The following GLRB variants were observed in gnomAD, a reference collection of about 807,000 sequenced individuals.
The protein encoded by GLRB is glycine receptor beta.
A neutral mutation model predicts 54.2 loss-of-function variants in GLRB; 33 were observed. The observed-to-expected ratio is 0.61, with a 90% CI of 0.46 to 0.81. The LOEUF (loss-of-function observed/expected upper bound fraction) is 0.81. GLRB is among the 40% of genes least tolerant of loss of function. GLRB has a pLI of 0.00. For missense variants in GLRB, 572 were observed against 584.6 expected (o/e 0.98, Z 0.22); for synonymous variants, 209 against 208.2 (o/e 1.00, Z -0.03).
intron 8 of GLRB, among the ~76,000 whole-genome samples, chr4:157,151,939 CA>C (rs1410436423): frequency 1.3e-5 from 2 of 151,978 alleles, no homozygotes; most frequent in Non-Finnish European, 2.9e-5. Flanking sequence ...TAGCCCATGC[CA>C]ATAGGTTATA....
chr4:157,133,538 A>G (rs1320160784), intron 4 of GLRB, among the ~76,000 whole-genome samples: 6 of 151,924 alleles, frequency 3.9e-5, no homozygotes, highest in African/African-American at 9.7e-5. Flanking sequence ...AATATCCCTT[A>G]TAGTTATTTT....
chr4:157,104,779 T>C (rs905687912), intron 2 of GLRB, among the ~76,000 whole-genome samples: 4 of 152,042 alleles, frequency 2.6e-5, no homozygotes, highest in African/African-American at 9.6e-5. Context: ...TGATTCAGTC[T>C]TAGTGGATTG....
intron 7 of GLRB, 28 bp downstream of exon 7, chr4:157,138,977 A>ACTTC: frequency 2.5e-6 from 3 of 1,209,584 alleles, no homozygotes; most frequent in South Asian, 1.2e-5. Context: ...AATAAAACGA[A>ACTTC]GTTCTATTTC....
chr4:157,116,237 T>C (rs1806572), intron 2 of GLRB, among the ~76,000 whole-genome samples: 37,383 of 151,708 alleles, frequency 0.25, 6,450 homozygotes, highest in African/African-American at 0.49. Context: ...GAACAAAAGA[T>C]GACTGGTTGT....
At chr4:157,111,192 C>A (rs1735406105) in intron 2 of GLRB, among the ~76,000 whole-genome samples, 1 of 151,952 alleles carries the variant, frequency 6.6e-6, no homozygotes, top group Non-Finnish European at 1.5e-5. Context: ...GGATGGCAGA[C>A]ATGTGGTTCA....
intron 9 of GLRB, among the ~76,000 whole-genome samples, chr4:157,154,812 C>G (rs1737164211): frequency 6.6e-6 from 1 of 151,984 alleles, no homozygotes; most frequent in Admixed American, 6.6e-5. Context: ...AAGTGTATCT[C>G]TTTGTTTAAC....
At chr4:157,078,463 A>G (rs1413083699) in intron 2 of GLRB, among the ~76,000 whole-genome samples, 1 of 151,938 alleles carries the variant, frequency 6.6e-6, no homozygotes. Context: ...CTTTAATTGG[A>G]TACTGATATA....
chr4:157,077,942 A>G, intron 1 of GLRB, 54 bp from the exon 2 acceptor site: 1 of 1,188,234 alleles, frequency 8.4e-7, no homozygotes, highest in Non-Finnish European at 1.2e-6. Flanking sequence ...AGGGACAGTC[A>G]TATAGTTATC....
intron 4 of GLRB, among the ~76,000 whole-genome samples, chr4:157,130,872 A>C: frequency 6.6e-6 from 1 of 151,698 alleles, no homozygotes. Flanking sequence ...CATATCAATG[A>C]TTTATTTGAT....
At chr4:157,158,613 G>C (rs1201061676) in intron 9 of GLRB, among the ~76,000 whole-genome samples, 2 of 152,024 alleles carry the variant, frequency 1.3e-5, no homozygotes, top group Non-Finnish European at 1.5e-5. Flanking sequence ...TCTTGTTTTT[G>C]TCAGGTTTGT....
At position 157,136,716 on chromosome 4, in the gene GLRB, A is replaced by T; in HGVS notation, c.527+18A>T. On this transcript the variant is annotated intron_variant, in intron 5 of 9. Transcript: ENST00000264428. ...AGCATGAGGTACTCTTTTATATTTC[A>T]TATTTGTGCATTTATATTTTCCTTC... 1 of 1,526,332 alleles carries T rather than the reference A, an allele frequency of 6.6e-7. No homozygotes were observed. Among genetic ancestry groups the T allele is most frequent in the Non-Finnish European group, 9.1e-7 (1 of 1,100,352 alleles). The allele number at this position is 1,526,332 out of a possible 1,614,324, so 94.5% of individuals were successfully genotyped here.
At chr4:157,094,549 G>A (rs72685565) in intron 2 of GLRB, among the ~76,000 whole-genome samples, 3,431 of 152,194 alleles carry the variant, frequency 0.023, 58 homozygotes, top group Middle Eastern at 0.048. Context: ...TAAGAAAAAA[G>A]CAGACAACCT....
chr4:157,163,075 C>G (rs942097888), intron 9 of GLRB, among the ~76,000 whole-genome samples: 4 of 152,162 alleles, frequency 2.6e-5, no homozygotes, highest in Non-Finnish European at 4.4e-5. Context: ...CCTCGCAGTT[C>G]GATCTCAGAC....
intron 8 of GLRB, among the ~76,000 whole-genome samples, chr4:157,149,843 C>A (rs1736951994): frequency 6.6e-6 from 1 of 151,900 alleles, no homozygotes; most frequent in Admixed American, 6.6e-5. Context: ...CTTTTCCTTT[C>A]TTTCTTCCTC....
chr4:157,081,398 A>C (rs1403207933), intron 2 of GLRB, among the ~76,000 whole-genome samples: 2 of 152,116 alleles, frequency 1.3e-5, no homozygotes, highest in East Asian at 3.9e-4. Flanking sequence ...TACATCCACC[A>C]TTTCAACTTG....
Position 157,091,986 on chromosome 4 carries a change from A to G in GLRB, c.122+13840A>G, listed in dbSNP as rs761551927. 5.8e-4 allele frequency among the ~76,000 whole-genome samples: 88 copies of G among 152,322 alleles called. 1 individual carries two copies. In the Middle Eastern group the frequency reaches 0.01, roughly 18 times the overall value. On this transcript the variant is annotated intron_variant, in intron 2 of 9. Transcript: ENST00000264428. Reference sequence around the variant, plus strand: ...AATCAAATGCTACAAAAAATCAATGATGATAAATTTAAGGTGAAATTGGTT... The same window carrying G: ...AATCAAATGCTACAAAAAATCAATGGTGATAAATTTAAGGTGAAATTGGTT...
intron 9 of GLRB, among the ~76,000 whole-genome samples, chr4:157,156,360 T>A (rs1416041193): frequency 6.6e-6 from 1 of 152,230 alleles, no homozygotes; most frequent in African/African-American, 2.4e-5. Flanking sequence ...TACTGATTTG[T>A]GTACATTGAT....
At chr4:157,077,751 C>T (rs569629431) in intron 1 of GLRB, among the ~76,000 whole-genome samples, 4 of 148,886 alleles carry the variant, frequency 2.7e-5, no homozygotes, top group East Asian at 3.9e-4. Flanking sequence ...ATCTCGTTGG[C>T]GGTCTTGTTT....
intron 4 of GLRB, among the ~76,000 whole-genome samples, chr4:157,127,307 CAT>C (rs1390812516): frequency 1.3e-5 from 2 of 151,596 alleles, no homozygotes; most frequent in Admixed American, 1.3e-4. Context: ...TTTTATTTCA[CAT>C]ATCTTAGTAG....
Sources: allele counts gnomAD v4.1 joint callset (sites outside exome capture counted in the v4.1 genomes callset), GRCh38; gene constraint gnomAD v4.1.1; transcripts MANE v1.5; gene names NCBI Gene and HGNC (gene_info 2026-07-23, HGNC 2026-07-21).